The following AIF1L variants were observed in gnomAD, a reference collection of about 807,000 sequenced individuals.
AIF1L encodes the protein allograft inflammatory factor 1 like.
In AIF1L, 12 loss-of-function variants were observed where a neutral mutation model predicts 20.7. That is an observed-to-expected ratio of 0.58 (90% CI 0.37 to 0.94). The LOEUF (loss-of-function observed/expected upper bound fraction) is 0.94, where lower values mean the gene tolerates loss of function less well. Ranked by LOEUF, AIF1L falls within the 40% of genes least tolerant of loss-of-function variation. The pLI is 0.01. For missense variants in AIF1L, 173 were observed against 185.3 expected (o/e 0.93, Z 0.39); for synonymous variants, 76 against 65.1 (o/e 1.17, Z -0.81).
In AIF1L at chr9:131,106,248, CT is replaced by C. The variant is rs1830744749; in HGVS notation, c.94-5348del. The C allele has an allele frequency of 3.9e-6, 6 of 1,534,526 alleles. No individual in the cohort carries two copies. In the African/African-American group the frequency reaches 8.2e-5, roughly 21 times the overall value. On this transcript the variant is annotated intron_variant, in intron 2 of 5. Transcript: ENST00000247291. ...TTCATGTTCCCAGCACAGCTGCTTG[CT>C]GGCTCTGCTGTTTCAGGCAAGTTAG... is the stretch of plus-strand genomic sequence containing the variant.
chr9:131,106,747 C>T (rs2133384893), intron 2 of AIF1L, among the ~76,000 whole-genome samples: 1 of 151,226 alleles, frequency 6.6e-6, no homozygotes, highest in East Asian at 2.0e-4. Context: ...ATCGTGCCAA[C>T]AAAGAATAAA....
intron 2 of AIF1L, chr9:131,102,834 C>T (rs1048670203): frequency 9.0e-5 from 41 of 455,290 alleles, no homozygotes; most frequent in Non-Finnish European, 1.8e-4. Context: ...CATGGTGCTT[C>T]CTGTCCTTGG....
At chr9:131,116,040 AAC>A (rs2133404104) in intron 4 of AIF1L, among the ~76,000 whole-genome samples, 1 of 152,080 alleles carries the variant, frequency 6.6e-6, no homozygotes, top group East Asian at 1.9e-4. Context: ...AAATTGGGGA[AAC>A]ACAGCAAGAC....
intron 2 of AIF1L, among the ~76,000 whole-genome samples, chr9:131,107,287 CTGG>C (rs1830775216): frequency 3.3e-5 from 5 of 152,156 alleles, no homozygotes; most frequent in African/African-American, 4.8e-5. Context: ...TCATCCCTGC[CTGG>C]TTGGTCTGTG....
At chr9:131,111,306 G>A (rs1830877269) in intron 2 of AIF1L, 2 of 348,792 alleles carry the variant, frequency 5.7e-6, no homozygotes, top group Non-Finnish European at 1.0e-5. Flanking sequence ...GTGTCTTGGG[G>A]GAGGGGCACG....
rs1588185481 is a variant in AIF1L, at chr9:131,111,835, G to C, written c.160+172G>C. The C allele has an allele frequency of 2.2e-5, 15 of 667,548 alleles. No individual in the cohort carries two copies. In the East Asian group the frequency reaches 4.2e-4, roughly 18 times the overall value. The allele number at this position is 667,548 out of a possible 1,614,324, so 41.4% of individuals were successfully genotyped here. A position where few individuals can be genotyped will look rare whatever the true frequency, so the allele number is the denominator to read the frequency against. On this transcript the variant is annotated intron_variant, in intron 3 of 5. Coordinates refer to ENST00000247291, the MANE Select transcript of AIF1L (RefSeq NM_031426.4). ...ACAGGGACCCCCTGAGAGGTGGGGA[G>C]AGGCCCCTCCACCTGCCTCCCTGCC...
At position 131,120,470 on chromosome 9, in the gene AIF1L, A is replaced by G. The variant is rs957104609; in HGVS notation, c.*148A>G. The G allele has an allele frequency of 9.4e-5, 64 of 677,600 alleles. No individual in the cohort carries two copies. Among genetic ancestry groups the G allele is most frequent in the Non-Finnish European group, 1.5e-4 (63 of 411,452 alleles). 42.0% of individuals were successfully genotyped at this position (677,600 alleles called of 1,614,324 possible). A position where few individuals can be genotyped will look rare whatever the true frequency, so the allele number is the denominator to read the frequency against. ...TTTCATCAATGTCTTTGTAAAGCAC[A>G]AATTATCTGCCTTAAAGGGGCTCTG... On this transcript the variant is annotated 3_prime_UTR_variant, in exon 6 of 6. Coordinates refer to ENST00000247291, the MANE Select transcript of AIF1L (RefSeq NM_031426.4).
chr9:131,120,487 G>T lies in AIF1L; in HGVS notation c.*165G>T, dbSNP rs1831112220. On this transcript the variant is annotated 3_prime_UTR_variant, in exon 6 of 6. Coordinates refer to ENST00000247291, the MANE Select transcript of AIF1L (RefSeq NM_031426.4). ...TAAAGCACAAATTATCTGCCTTAAA[G>T]GGGCTCTGGGTCGGGGAATCCTGAG... The T allele has an allele frequency of 1.7e-6, 1 of 598,796 alleles. No homozygotes were observed. Among genetic ancestry groups the T allele is most frequent in the Non-Finnish European group, 2.9e-6 (1 of 349,884 alleles). The allele number at this position is 598,796 out of a possible 1,614,324, so 37.1% of individuals were successfully genotyped here.
chr9:131,115,831 G>A (rs1346226297), intron 4 of AIF1L, among the ~76,000 whole-genome samples: 2 of 151,766 alleles, frequency 1.3e-5, no homozygotes, highest in African/African-American at 2.4e-5. Context: ...AAAATTAGCC[G>A]GGCATGGTGG....
chr9:131,100,943 G>T (rs1280017969), intron 2 of AIF1L, among the ~76,000 whole-genome samples: 1 of 152,090 alleles, frequency 6.6e-6, no homozygotes, highest in Admixed American at 6.5e-5. Context: ...TGTCACCCAG[G>T]GTGGAGTGCA....
intron 5 of AIF1L, among the ~76,000 whole-genome samples, chr9:131,119,492 A>T (rs1006495105): frequency 4.4e-5 from 6 of 137,190 alleles, no homozygotes; most frequent in African/African-American, 1.7e-4. Flanking sequence ...CAAGAACAAA[A>T]CTCTGTCTCA....
intron 2 of AIF1L, chr9:131,107,869 C>T (rs917840888): frequency 5.3e-5 from 8 of 152,214 alleles, no homozygotes; most frequent in African/African-American, 1.9e-4. Context: ...CAGTCACAGA[C>T]AAAAGTTAAT....
chr9:131,102,161 C>T (rs1830652620), intron 2 of AIF1L, among the ~76,000 whole-genome samples: 1 of 152,158 alleles, frequency 6.6e-6, no homozygotes, highest in Non-Finnish European at 1.5e-5. Flanking sequence ...GATCCACCCG[C>T]CTTGGCCTCC....
intron 2 of AIF1L, chr9:131,106,387 C>A: frequency 2.7e-6 from 2 of 728,678 alleles, no homozygotes; most frequent in Non-Finnish European, 4.7e-6. Flanking sequence ...CCTCAGTAAG[C>A]AGTGGCAGTG....
chr9:131,101,796 C>T (rs1830646327), intron 2 of AIF1L, among the ~76,000 whole-genome samples: 1 of 152,284 alleles, frequency 6.6e-6, no homozygotes, highest in East Asian at 1.9e-4. Context: ...ACACAGGCCT[C>T]TCTTGCTTAT....
intron 2 of AIF1L, among the ~76,000 whole-genome samples, chr9:131,102,652 G>A (rs539693277): frequency 1.3e-5 from 2 of 152,328 alleles, no homozygotes; most frequent in East Asian, 3.9e-4. Context: ...CCATCTGTTG[G>A]CGAGGATGCG....
At chr9:131,111,032 T>C (rs947604926) in intron 2 of AIF1L, among the ~76,000 whole-genome samples, 1 of 151,662 alleles carries the variant, frequency 6.6e-6, no homozygotes, top group Non-Finnish European at 1.5e-5. Context: ...AAAAATTAGC[T>C]GGGCATGGTG....
At chr9:131,099,499 C>T (rs1315262300) in intron 2 of AIF1L, among the ~76,000 whole-genome samples, 2 of 152,224 alleles carry the variant, frequency 1.3e-5, no homozygotes, top group Non-Finnish European at 2.9e-5. Context: ...AGCTTCACTG[C>T]CCCACTGGAG....
At position 131,122,352 on chromosome 9, in the gene AIF1L, G is replaced by T. The variant is rs920334248; in HGVS notation, c.*2030G>T. 6.6e-6 allele frequency: 1 copy of T among 152,618 alleles called. No homozygotes were observed. Among genetic ancestry groups the T allele is most frequent in the African/African-American group, 2.4e-5 (1 of 41,434 alleles). The allele number at this position is 152,618 out of a possible 1,614,324, so 9.5% of individuals were successfully genotyped here. On this transcript the variant is annotated 3_prime_UTR_variant, in exon 6 of 6. Coordinates refer to ENST00000247291, the MANE Select transcript of AIF1L (RefSeq NM_031426.4). ...TGAGGTTATTTGGCCATGACTGGCT[G>T]ATCTTGAGCTCAAGGATCTGCTTCA... is the stretch of plus-strand genomic sequence containing the variant.
Sources: allele counts gnomAD v4.1 joint callset (sites outside exome capture counted in the v4.1 genomes callset), GRCh38; gene constraint gnomAD v4.1.1; transcripts MANE v1.5; gene names NCBI Gene and HGNC (gene_info 2026-07-23, HGNC 2026-07-21).